JAK1: variants seen among roughly 807,000 people sequenced by gnomAD.
JAK1 encodes the protein Janus kinase 1.
In JAK1, 16 loss-of-function variants were observed where a neutral mutation model predicts 136.6. The ratio of observed to expected loss-of-function variants is 0.12; its 90% CI spans 0.08 to 0.18. The LOEUF (loss-of-function observed/expected upper bound fraction) is 0.18. JAK1 is among the 10% of genes least tolerant of loss of function. The pLI is 1.00. For missense variants in JAK1, 859 were observed against 1,450.1 expected, an observed-to-expected ratio of 0.59 and a Z score of 6.62; for synonymous variants, 492 against 519.5, an observed-to-expected ratio of 0.95 and a Z score of 0.72.
chr1:65,012,644 T>C (rs1646858476), intron 2 of JAK1, among the ~76,000 whole-genome samples: 1 of 151,710 alleles, frequency 6.6e-6, no homozygotes, highest in Admixed American at 6.6e-5. Flanking sequence ...TTCACCAAAT[T>C]AGCTAGGCAT....
At chr1:64,931,441 C>A (rs1381323268) in intron 1 of JAK1, among the ~76,000 whole-genome samples, 2 of 152,006 alleles carry the variant, frequency 1.3e-5, no homozygotes, top group African/African-American at 4.8e-5. Context: ...TGTCACTCAT[C>A]CAAGTCCCCA....
intron 2 of JAK1, among the ~76,000 whole-genome samples, chr1:65,002,728 G>C (rs1193029524): frequency 6.6e-6 from 1 of 152,210 alleles, no homozygotes; most frequent in Admixed American, 6.5e-5. Flanking sequence ...GCAGTTGGAA[G>C]CCCGGGCGCT....
intron 2 of JAK1, among the ~76,000 whole-genome samples, chr1:65,002,896 G>C (rs1646773115): frequency 6.6e-6 from 1 of 152,224 alleles, no homozygotes; most frequent in South Asian, 2.1e-4. Flanking sequence ...GCACGCACGC[G>C]CTGCTCCTTC....
chr1:64,906,931 A>G (rs1331441512), intron 1 of JAK1, among the ~76,000 whole-genome samples: 1 of 151,432 alleles, frequency 6.6e-6, no homozygotes, highest in African/African-American at 2.4e-5. Context: ...TCCTTTTACC[A>G]CTATCTACCC....
chr1:64,929,106 A>G (rs1645644107), intron 1 of JAK1, among the ~76,000 whole-genome samples: 1 of 152,254 alleles, frequency 6.6e-6, no homozygotes, highest in South Asian at 2.1e-4. Flanking sequence ...GTATACTGCT[A>G]TAGCACACCT....
chr1:64,872,983 T>C (rs1193439142), intron 5 of JAK1, among the ~76,000 whole-genome samples: 1 of 152,078 alleles, frequency 6.6e-6, no homozygotes, highest in African/African-American at 2.4e-5. Context: ...ATCTCCTTCC[T>C]CCCCAGACAT....
intron 4 of JAK1, 122 bp downstream of exon 4, chr1:64,878,903 A>G (rs1644724653): frequency 1.1e-6 from 1 of 945,418 alleles, no homozygotes; most frequent in Non-Finnish European, 1.5e-6. Context: ...AAGCAAATAC[A>G]AAAGTTACAA....
chr1:65,038,221 A>T (rs1569924932), intron 2 of JAK1, among the ~76,000 whole-genome samples: 1 of 140,808 alleles, frequency 7.1e-6, no homozygotes, highest in East Asian at 2.1e-4. Context: ...TTTTTGAGAC[A>T]GAGTTTTGCT....
chr1:64,994,309 T>A (rs1026566438), intron 2 of JAK1, among the ~76,000 whole-genome samples: 2 of 152,214 alleles, frequency 1.3e-5, no homozygotes, highest in Admixed American at 6.5e-5. Flanking sequence ...GTAGTGGCAA[T>A]GTTGTGCACT....
At chr1:65,007,785 G>A (rs553036663) in intron 2 of JAK1, among the ~76,000 whole-genome samples, 41 of 149,012 alleles carry the variant, frequency 2.8e-4, no homozygotes, top group Non-Finnish European at 3.7e-4. Flanking sequence ...TTGCTCTGTC[G>A]TCCAGGCTGA....
At chr1:64,976,311 C>T (rs1646497139) in intron 2 of JAK1, among the ~76,000 whole-genome samples, 1 of 152,212 alleles carries the variant, frequency 6.6e-6, no homozygotes, top group African/African-American at 2.4e-5. Flanking sequence ...GTGGACCCCA[C>T]AGTCATGGAC....
chr1:64,866,399 T>C (rs1656709959), intron 7 of JAK1, among the ~76,000 whole-genome samples: 1 of 152,224 alleles, frequency 6.6e-6, no homozygotes, highest in Admixed American at 6.5e-5. Flanking sequence ...ATTAGTCAAT[T>C]TCACGGAGCC....
At chr1:65,059,463 C>G (rs1166730168) in intron 1 of JAK1, among the ~76,000 whole-genome samples, 2 of 152,288 alleles carry the variant, frequency 1.3e-5, no homozygotes, top group African/African-American at 4.8e-5. Context: ...AGAATGTACT[C>G]AAATTAGTAA....
At chr1:64,989,016 A>G (rs1363733660) in intron 2 of JAK1, among the ~76,000 whole-genome samples, 31 of 145,846 alleles carry the variant, frequency 2.1e-4, no homozygotes, top group South Asian at 8.6e-4. Context: ...ATATATATAT[A>G]TATATATATA....
At chr1:64,887,054 G>A (rs1436615420) in intron 1 of JAK1, among the ~76,000 whole-genome samples, 1 of 152,154 alleles carries the variant, frequency 6.6e-6, no homozygotes, top group African/African-American at 2.4e-5. Flanking sequence ...CTGAGGCCAC[G>A]AGGCCAGCAT....
At chr1:64,916,267 G>A (rs1645394060) in intron 1 of JAK1, among the ~76,000 whole-genome samples, 1 of 152,176 alleles carries the variant, frequency 6.6e-6, no homozygotes, top group Non-Finnish European at 1.5e-5. Context: ...CCTTTTATTT[G>A]TGAATCAAGA....
chr1:64,952,514 G>A (rs915692691), intron 1 of JAK1, among the ~76,000 whole-genome samples: 7 of 152,136 alleles, frequency 4.6e-5, no homozygotes, highest in African/African-American at 9.7e-5. Flanking sequence ...CTGGGTTTAT[G>A]AGTCATTATT....
intron 10 of JAK1, among the ~76,000 whole-genome samples, chr1:64,856,422 C>T (rs1013207207): frequency 6.6e-6 from 1 of 152,146 alleles, no homozygotes; most frequent in Non-Finnish European, 1.5e-5. Context: ...TATTACAAGG[C>T]TTAAAAAAGC....
At chr1:64,945,778 G>C (rs1355701393) in intron 1 of JAK1, among the ~76,000 whole-genome samples, 1 of 151,642 alleles carries the variant, frequency 6.6e-6, no homozygotes, top group African/African-American at 2.4e-5. Flanking sequence ...GCCCAGGCTG[G>C]AGTGCAGTGG....
Sources: gnomAD v4.1 joint callset for allele counts (sites outside exome capture counted in the v4.1 genomes callset) on GRCh38, gnomAD v4.1.1 for gene constraint, MANE v1.5 for transcripts, NCBI Gene and HGNC (gene_info 2026-07-23, HGNC 2026-07-21) for gene names.